The following UCMA variants were observed in gnomAD, a reference collection of about 807,000 sequenced individuals.
UCMA encodes the protein upper zone of growth plate and cartilage matrix associated, also known as upper zone of growth plate and cartilage matrix-associated protein.
UCMA carries 21 observed loss-of-function variants against 21.8 expected under a neutral mutation model. The observed-to-expected ratio is 0.97, with a 90% CI of 0.68 to 1.39. UCMA has a LOEUF of 1.39. Ranked by LOEUF, UCMA falls within the 40% of genes most tolerant of loss-of-function variation. The probability of loss-of-function intolerance (pLI) is 0.00; values close to 1 mark genes in which losing one functional copy is unlikely to be tolerated. For synonymous variants in UCMA, 76 were observed against 67.9 expected (o/e 1.12, Z -0.58); for missense variants, 193 against 178.9 (o/e 1.08, Z -0.45).
In UCMA at chr10:13,233,813, GGC is replaced by G. The variant is rs1175054299; in HGVS notation, c.59-15_59-14del. 2 of 1,613,368 alleles carry G rather than the reference GGC, an allele frequency of 1.2e-6. No homozygotes were observed. Among genetic ancestry groups the G allele is most frequent in the Non-Finnish European group, 1.7e-6 (2 of 1,179,858 alleles). On this transcript the variant is annotated splice_polypyrimidine_tract_variant and intron_variant, in intron 1 of 4. Coordinates refer to ENST00000378681, the MANE Select transcript of UCMA (RefSeq NM_145314.3). ...CCCTCTCTCAGCACTGCAGGACAAG[GGC>G]ACAGAGTGAGGCTGCAGCATCAGAG...
At chr10:13,227,769 C>CACACACACACACAT (rs1337249726) in intron 4 of UCMA, among the ~76,000 whole-genome samples, 2 of 148,866 alleles carry the variant, frequency 1.3e-5, no homozygotes, top group African/African-American at 5.0e-5. Flanking sequence ...CACACACACA[C>CACACACACACACAT]ACACACACAC....
At chr10:13,232,393 AAAG>A (rs1333421881) in intron 3 of UCMA, among the ~76,000 whole-genome samples, 178 of 143,704 alleles carry the variant, frequency 1.2e-3, no homozygotes, top group African/African-American at 3.5e-3. Context: ...AAAAAAAAAA[AAAG>A]AGGACAGAAG....
intron 4 of UCMA, among the ~76,000 whole-genome samples, chr10:13,228,107 T>C (rs1456905795): frequency 6.6e-6 from 1 of 151,898 alleles, no homozygotes; most frequent in Non-Finnish European, 1.5e-5. Flanking sequence ...TTGCCCAGGC[T>C]GGAGTGCGGT....
At chr10:13,231,560 C>A (rs1834899503) in intron 3 of UCMA, among the ~76,000 whole-genome samples, 1 of 152,106 alleles carries the variant, frequency 6.6e-6, no homozygotes, top group Admixed American at 6.6e-5. Flanking sequence ...TAAGTCACTG[C>A]CTATTCCTAA....
At chr10:13,233,019 G>A (rs1374618609) in intron 3 of UCMA, among the ~76,000 whole-genome samples, 1 of 152,072 alleles carries the variant, frequency 6.6e-6, no homozygotes, top group East Asian at 1.9e-4. Flanking sequence ...ACCAGAGGGA[G>A]GAAGTAGCCA....
At chr10:13,231,577 G>T (rs4750326) in intron 3 of UCMA, among the ~76,000 whole-genome samples, 1 of 152,142 alleles carries the variant, frequency 6.6e-6, no homozygotes, top group South Asian at 2.1e-4. Context: ...CTAAAGAAGC[G>T]TCCTCTGTCC....
chr10:13,227,148 C>T (rs11258276), intron 4 of UCMA, among the ~76,000 whole-genome samples: 1,870 of 152,280 alleles, frequency 0.012, 38 homozygotes, highest in African/African-American at 0.042. Flanking sequence ...AAGCCCAGCA[C>T]CTGTTTGCAG....
chr10:13,232,644 T>A (rs1834914203), intron 3 of UCMA, among the ~76,000 whole-genome samples: 2 of 152,130 alleles, frequency 1.3e-5, no homozygotes, highest in Non-Finnish European at 2.9e-5. Context: ...TCTCTGTTCT[T>A]CCCATCATTT....
At position 13,229,640 on chromosome 10, in the gene UCMA, A is replaced by G. The variant is rs748913414; in HGVS notation, c.290T>C (p.Phe97Ser). 14 of 1,614,028 alleles carry G rather than the reference A, an allele frequency of 8.7e-6. No individual in the cohort carries two copies. Among genetic ancestry groups the G allele is most frequent in the Non-Finnish European group, 1.2e-5 (14 of 1,180,026 alleles). Reference sequence around the variant, plus strand: ...GTTTTGTTCCTCCACGAAGTTCTCAAATTCATTCCTTTGTTCCTCGTAATA... The same window carrying G: ...GTTTTGTTCCTCCACGAAGTTCTCAGATTCATTCCTTTGTTCCTCGTAATA... ...REYYEEQRNEFENFVEEQNDE... is the reference protein window; with the variant it reads ...REYYEEQRNESENFVEEQNDE... The change falls in exon 4 of 5, where the codon TTT (phenylalanine) becomes TCT (serine). Residue 97 changes from phenylalanine (F) to serine (S), a missense_variant. Physicochemically the swap from Phe to Ser is radical, Grantham distance 155. Transcript: ENST00000378681.
chr10:13,221,787 G>T lies in UCMA; in HGVS notation c.*316C>A. The T allele has an allele frequency of 6.6e-6, 2 of 302,126 alleles. No individual in the cohort carries two copies. Among genetic ancestry groups the T allele is most frequent in the Non-Finnish European group, 1.2e-5 (2 of 161,940 alleles). 18.7% of individuals were successfully genotyped at this position (302,126 alleles called of 1,614,324 possible). A position where few individuals can be genotyped will look rare whatever the true frequency, so the allele number is the denominator to read the frequency against. On this transcript the variant is annotated 3_prime_UTR_variant, in exon 5 of 5. Coordinates refer to ENST00000378681, the MANE Select transcript of UCMA (RefSeq NM_145314.3). ...CATGGTTGATTCAGCGTTTTTATTTGTAAGCCATAAGCAAACATGTGATTC... is the reference window on the plus strand; with the variant it reads ...CATGGTTGATTCAGCGTTTTTATTTTTAAGCCATAAGCAAACATGTGATTC...
intron 4 of UCMA, among the ~76,000 whole-genome samples, chr10:13,225,138 C>T (rs1029390953): frequency 3.3e-5 from 5 of 152,048 alleles, no homozygotes; most frequent in Admixed American, 3.3e-4. Flanking sequence ...TAGCTCACTG[C>T]AGCCTCCTGG....
At chr10:13,228,640 T>C (rs546184364) in intron 4 of UCMA, among the ~76,000 whole-genome samples, 272 of 152,034 alleles carry the variant, frequency 1.8e-3, no homozygotes, top group Admixed American at 3.6e-3. Context: ...CAGGATGGAG[T>C]AGGACCTGGA....
rs1202429502 is a variant in UCMA, at chr10:13,225,607, G to A, written c.320-3407C>T. 2.0e-5 allele frequency among the ~76,000 whole-genome samples: 3 copies of A among 151,258 alleles called. No individual in the cohort carries two copies. In the South Asian group the frequency reaches 6.3e-4, roughly 32 times the overall value. On this transcript the variant is annotated intron_variant, in intron 4 of 4. Transcript: ENST00000378681. ...GGAGAATCACTTGAACCCCGGAGGAGGAGGTTTCATTGAGCCGAGATAGCG... is the reference window on the plus strand; with the variant it reads ...GGAGAATCACTTGAACCCCGGAGGAAGAGGTTTCATTGAGCCGAGATAGCG...
At chr10:13,226,617 G>A (rs1482215577) in intron 4 of UCMA, among the ~76,000 whole-genome samples, 2 of 152,152 alleles carry the variant, frequency 1.3e-5, no homozygotes, top group African/African-American at 4.8e-5. Context: ...AAGCCATGGT[G>A]CCCAGCCTGA....
At chr10:13,229,521 A>G in intron 4 of UCMA, 90 bp downstream of exon 4, 2 of 1,258,606 alleles carry the variant, frequency 1.6e-6, no homozygotes. Flanking sequence ...AAGAAAAAAA[A>G]AAAAAGTTGG....
chr10:13,227,529 C>T (rs1275408860), intron 4 of UCMA, among the ~76,000 whole-genome samples: 1 of 151,994 alleles, frequency 6.6e-6, no homozygotes, highest in Non-Finnish European at 1.5e-5. Context: ...ACCAGCCTGG[C>T]CAACATAGTA....
chr10:13,222,721 C>G (rs563490221), intron 4 of UCMA, among the ~76,000 whole-genome samples: 62 of 151,756 alleles, frequency 4.1e-4, no homozygotes, highest in African/African-American at 1.4e-3. Flanking sequence ...GACGGGGTCT[C>G]AGTCTGTCAC....
rs11258271 is a variant in UCMA, at chr10:13,222,955, T to C, written c.320-755A>G. Among the ~76,000 whole-genome samples, 1,308 of 151,930 alleles carry C rather than the reference T, an allele frequency of 8.6e-3. 19 individuals are homozygous for C. Among genetic ancestry groups the C allele is most frequent in the African/African-American group, 0.03 (1,242 of 41,484 alleles). ...AAGTGCTGTGATTGGCCAGGCGGGA[T>C]GGCTCATGCCTATAATCCCAGCACT... On this transcript the variant is annotated intron_variant, in intron 4 of 4. Coordinates refer to ENST00000378681, the MANE Select transcript of UCMA (RefSeq NM_145314.3).
chr10:13,226,887 GT>G (rs1211477634), intron 4 of UCMA, among the ~76,000 whole-genome samples: 1 of 152,174 alleles, frequency 6.6e-6, no homozygotes, highest in Non-Finnish European at 1.5e-5. Context: ...AACAGTGAAT[GT>G]TTTTTCATCT....
Sources: gnomAD v4.1 joint callset for allele counts (sites outside exome capture counted in the v4.1 genomes callset) on GRCh38, gnomAD v4.1.1 for gene constraint, MANE v1.5 for transcripts, NCBI Gene and HGNC (gene_info 2026-07-23, HGNC 2026-07-21) for gene names.